CCDC187: variants seen among roughly 807,000 people sequenced by gnomAD.
CCDC187 encodes the protein coiled-coil domain-containing protein 187.
Under a neutral mutation model 38.0 loss-of-function variants are expected in CCDC187, and 32 were observed. The observed-to-expected ratio is 0.84, with a 90% CI of 0.64 to 1.13. The LOEUF (loss-of-function observed/expected upper bound fraction) is 1.13, where lower values mean the gene tolerates loss of function less well. Among genes scored for constraint, CCDC187 ranks in the 50% most tolerant of loss-of-function variants. CCDC187 has a pLI of 0.00. For synonymous variants in CCDC187, 333 were observed against 347.9 expected (o/e 0.96, Z 0.48); for missense variants, 707 against 786.8 (o/e 0.90, Z 1.21).
rs1830554296 is a variant in CCDC187 at position 136,252,256 on chromosome 9, CG to C, written c.*1337del. ...CCAGTCCACCCCGGGAAGGTCCAGG[CG>C]ACCGTCCTGCGGAGCCGGCCGCCCA... On this transcript the variant is annotated 3_prime_UTR_variant, in exon 26 of 26. Transcript: ENST00000638797. 1 of 125,110 alleles carries C rather than the reference CG, an allele frequency of 8.0e-6. No homozygotes were observed. The highest frequency in any genetic ancestry group is 3.2e-5 in the African/African-American group (1 of 30,842). The allele number at this position is 125,110 out of a possible 1,614,324, so 7.7% of individuals were successfully genotyped here.
chr9:136,261,481 G>A (rs1160199950), intron 19 of CCDC187, among the ~76,000 whole-genome samples: 1 of 137,266 alleles, frequency 7.3e-6, no homozygotes, highest in South Asian at 2.2e-4. Context: ...TACATGTACC[G>A]GCCCCTCCCC....
At chr9:136,284,908 C>T in intron 9 of CCDC187, among the ~76,000 whole-genome samples, 1 of 152,146 alleles carries the variant, frequency 6.6e-6, no homozygotes. Flanking sequence ...TGGACCAAGC[C>T]TGCTGGGCTC....
chr9:136,261,638 C>T (rs1422611336), intron 19 of CCDC187, among the ~76,000 whole-genome samples: 4 of 152,236 alleles, frequency 2.6e-5, no homozygotes, highest in Non-Finnish European at 5.9e-5. Flanking sequence ...CAGGAGGAGG[C>T]ACGGAGCCAA....
chr9:136,292,736 G>A (rs956888596), intron 4 of CCDC187, among the ~76,000 whole-genome samples: 12 of 152,318 alleles, frequency 7.9e-5, no homozygotes, highest in Admixed American at 7.2e-4. Context: ...CGGGCTCCGC[G>A]CAGCACGGGA....
At chr9:136,263,109 G>A in intron 18 of CCDC187, among the ~76,000 whole-genome samples, 1 of 150,844 alleles carries the variant, frequency 6.6e-6, no homozygotes. Context: ...CCTGAAGTCT[G>A]GCTCTGCTCT....
chr9:136,286,928 T>G (rs991654657), intron 7 of CCDC187, among the ~76,000 whole-genome samples: 22 of 152,214 alleles, frequency 1.4e-4, no homozygotes, highest in Non-Finnish European at 3.2e-4. Flanking sequence ...TCCCGGGCAC[T>G]GCCGGTGGGG....
At position 136,267,347 on chromosome 9, in the gene CCDC187, C is replaced by CAGCAG. The variant is rs1257586482; in HGVS notation, c.3647+36_3647+37insCTGCT. 1.2e-3 allele frequency: 1,118 copies of CAGCAG among 951,794 alleles called. 17 individuals carry two copies. The African/African-American group carries it at 0.021, about 18-fold the overall frequency. 59.0% of individuals were successfully genotyped at this position (951,794 alleles called of 1,614,324 possible). Reference sequence around the variant, plus strand: ...GCGGGGCTACAGCAGGGCGGGGCTACGGCGGGGCGGGGCCGGCGCCAGGCG... The same window carrying CAGCAG: ...GCGGGGCTACAGCAGGGCGGGGCTACAGCAGGGCGGGGCGGGGCCGGCGCCAGGCG... On this transcript the variant is annotated intron_variant, in intron 16 of 25. Coordinates refer to ENST00000638797, the MANE Select transcript of CCDC187 (RefSeq NM_001378188.1).
rs1554760182 is a variant in CCDC187, at chr9:136,255,697, G to C, written c.4653C>G (p.Ser1551=). The change falls in exon 25 of 26, where the codon TCC becomes TCG. Residue 1551 remains serine (S), a synonymous_variant. Transcript: ENST00000638797. The part of the protein sequence containing the change: ...EACQQEVPGI[S]STWLEAAQAA... ...CCTGGGCAGCCTCCAGCCAGGTGGA[G>C]GAGATGCCGGGGACCTCCTGCTGAC... 1 of 985,412 alleles carries C rather than the reference G, an allele frequency of 1.0e-6. No homozygotes were observed. Among genetic ancestry groups the C allele is most frequent in the Admixed American group, 6.1e-5 (1 of 16,270 alleles). 61.0% of individuals were successfully genotyped at this position (985,412 alleles called of 1,614,324 possible). A position where few individuals can be genotyped will look rare whatever the true frequency, so the allele number is the denominator to read the frequency against.
intron 9 of CCDC187, among the ~76,000 whole-genome samples, chr9:136,283,596 G>A (rs993817340): frequency 4.6e-5 from 7 of 152,236 alleles, no homozygotes; most frequent in Non-Finnish European, 1.0e-4. Flanking sequence ...GCAGGGCTGT[G>A]GGGGTGGAGG....
At chr9:136,304,890 C>G (rs1831775207), upstream of CCDC187, among the ~76,000 whole-genome samples, 1 of 152,186 alleles carries the variant, frequency 6.6e-6, no homozygotes, top group African/African-American at 2.4e-5. Flanking sequence ...CGCGAAAGAC[C>G]TCTTAAGTCT....
chr9:136,293,940 CCA>C (rs1223300064), intron 4 of CCDC187, among the ~76,000 whole-genome samples: 31,176 of 150,052 alleles, frequency 0.21, 3,587 homozygotes, highest in Non-Finnish European at 0.25. Flanking sequence ...TCGTGCTCTC[CCA>C]CACACACATG....
At chr9:136,303,344 C>T (rs1035321868) in intron 1 of CCDC187, 51 bp from the exon 2 acceptor site, 5 of 394,850 alleles carry the variant, frequency 1.3e-5, no homozygotes, top group South Asian at 1.4e-4. Flanking sequence ...GCAGAGGTGC[C>T]GAGCAGAGCC....
chr9:136,281,208 C>G lies in CCDC187; in HGVS notation c.3040+343G>C, dbSNP rs1831032806. The G allele has an allele frequency of 5.1e-6, 2 of 390,824 alleles. 1 individual carries two copies. The highest frequency in any genetic ancestry group is 2.9e-4 in the South Asian group (2 of 6,954). The allele number at this position is 390,824 out of a possible 1,614,324, so 24.2% of individuals were successfully genotyped here. ...GTTGGAAACCCCGGATGAAAACACT[C>G]AGTAGCAGAAGAAAAAGTCGAATCC... On this transcript the variant is annotated intron_variant, in intron 10 of 25. Coordinates refer to ENST00000638797, the MANE Select transcript of CCDC187 (RefSeq NM_001378188.1).
chr9:136,284,887 C>T (rs1831136471), intron 9 of CCDC187, among the ~76,000 whole-genome samples: 1 of 152,162 alleles, frequency 6.6e-6, no homozygotes, highest in Admixed American at 6.5e-5. Flanking sequence ...TTTCCACCTG[C>T]AAAGCCCCCA....
At chr9:136,295,324 A>G in intron 4 of CCDC187, among the ~76,000 whole-genome samples, 3 of 152,300 alleles carry the variant, frequency 2.0e-5, no homozygotes, top group Admixed American at 2.0e-4. Flanking sequence ...TCACTTCCCC[A>G]TTAGCCCGCC....
At chr9:136,268,862 C>G (rs1368318709) in intron 14 of CCDC187, among the ~76,000 whole-genome samples, 1 of 152,178 alleles carries the variant, frequency 6.6e-6, no homozygotes, top group Non-Finnish European at 1.5e-5. Flanking sequence ...GCGATGCTCA[C>G]GGCTTACTGC....
intron 14 of CCDC187, among the ~76,000 whole-genome samples, chr9:136,273,456 C>G (rs143730679): frequency 1.0e-3 from 155 of 152,270 alleles, no homozygotes; most frequent in African/African-American, 3.6e-3. Context: ...GGGGTGAGTT[C>G]ATCAAGAGCA....
Position 136,257,749 on chromosome 9 carries a change from GA to G in CCDC187, c.4367-909del, listed in dbSNP as rs554258610. On this transcript the variant is annotated intron_variant, in intron 22 of 25. Transcript: ENST00000638797. This position sits in a 1 kb window ranked among gnomAD's most constrained non-coding sequence, Gnocchi z 4.5. The stretch of plus-strand genomic sequence containing the variant: ...TGTTTGTCTAAAGCCCAAGGAGGGG[GA>G]AGCTCCATCAGTGGGAACACCTGCC... 9.2e-5 allele frequency among the ~76,000 whole-genome samples: 14 copies of G among 152,372 alleles called. No individual in the cohort carries two copies. In the South Asian group the frequency reaches 2.9e-3, roughly 32 times the overall value.
rs1280164057 is a variant in CCDC187 at position 136,298,036 on chromosome 9, CCTGGGGACTGCCG to C, written c.725-228_725-216del. On this transcript the variant is annotated intron_variant, in intron 3 of 25. Coordinates refer to ENST00000638797, the MANE Select transcript of CCDC187 (RefSeq NM_001378188.1). ...CTGTCACGTCCCCTGCAGTGCTCTG[CCTGGGGACTGCCG>C]CTGGGGACTCCTCCTTAGAGAGGCA... is the stretch of plus-strand genomic sequence containing the variant. Among the ~76,000 whole-genome samples the C allele has an allele frequency of 4.1e-3, 617 of 152,322 alleles. 3 individuals carry two copies. Among genetic ancestry groups the C allele is most frequent in the African/African-American group, 0.015 (605 of 41,576 alleles).
Sources: gnomAD v4.1 joint callset for allele counts (sites outside exome capture counted in the v4.1 genomes callset) on GRCh38, gnomAD v4.1.1 for gene constraint, Gnocchi (gnomAD v3.1) non-coding constraint, MANE v1.5 for transcripts, NCBI Gene and HGNC (gene_info 2026-07-23, HGNC 2026-07-21) for gene names.